EEIG2: variants seen among roughly 807,000 people sequenced by gnomAD.
EEIG2 encodes family with sequence similarity 102 member B.
chr1:108,617,301 A>T, the EEIG2 span, among the ~76,000 whole-genome samples: 1 of 152,150 alleles, frequency 6.6e-6, no homozygotes, highest in Admixed American at 6.5e-5. Flanking sequence ...CTAGATAGGG[A>T]ATAGACAATC....
chr1:108,590,338 T>A, the EEIG2 span, among the ~76,000 whole-genome samples: 1 of 152,230 alleles, frequency 6.6e-6, no homozygotes, highest in Admixed American at 6.5e-5. Context: ...AGAGTCTGTA[T>A]CTTTTAAGAA....
chr1:108,564,262 G>A, the EEIG2 span, among the ~76,000 whole-genome samples: 1 of 151,956 alleles, frequency 6.6e-6, no homozygotes, highest in African/African-American at 2.4e-5. Context: ...GGTTGGGTGG[G>A]GGGGAAATTA....
At chr1:108,576,448 C>A in the EEIG2 span, among the ~76,000 whole-genome samples, 2 of 117,976 alleles carry the variant, frequency 1.7e-5, no homozygotes, top group Non-Finnish European at 3.5e-5. Flanking sequence ...CCTCCCCCCT[C>A]CCCCCACCCC....
chr1:108,615,555 C>T, the EEIG2 span, among the ~76,000 whole-genome samples: 1 of 151,810 alleles, frequency 6.6e-6, no homozygotes, highest in Non-Finnish European at 1.5e-5. Flanking sequence ...GGTAGGATCA[C>T]TTGAGGCCAG....
At chr1:108,575,630 A>G in the EEIG2 span, among the ~76,000 whole-genome samples, 3 of 152,250 alleles carry the variant, frequency 2.0e-5, no homozygotes, top group Non-Finnish European at 4.4e-5. Context: ...TTACTCAGCA[A>G]TAAGATGAAA....
chr1:108,579,796 A>AGAGAGAGAGAGAGAGAGAGAGAGAGAGAG, the EEIG2 span, among the ~76,000 whole-genome samples: 5 of 149,020 alleles, frequency 3.4e-5, no homozygotes, highest in African/African-American at 4.9e-5. Context: ...AGAGAGAGAG[A>AGAGAGAGAGAGAGAGAGAGAGAGAGAGAG]AAGAAACCCA....
the EEIG2 span, among the ~76,000 whole-genome samples, chr1:108,622,820 A>G: frequency 2.9e-3 from 441 of 152,360 alleles, no homozygotes; most frequent in Non-Finnish European, 4.8e-3. Flanking sequence ...GTAAGAATTT[A>G]AGAATTGCCA....
the EEIG2 span, among the ~76,000 whole-genome samples, chr1:108,611,897 T>A: frequency 6.6e-6 from 1 of 151,224 alleles, no homozygotes; most frequent in East Asian, 1.9e-4. Context: ...AACAGTAATA[T>A]ATATTCTTTA....
the EEIG2 span, chr1:108,560,292 GCCTGCGGCGC>G: frequency 1.8e-6 from 1 of 552,330 alleles, no homozygotes. Flanking sequence ...GCCGCGGCCG[GCCTGCGGCGC>G]CCCCCGGCCG....
At chr1:108,585,361 T>C in the EEIG2 span, among the ~76,000 whole-genome samples, 6 of 152,178 alleles carry the variant, frequency 3.9e-5, no homozygotes, top group Non-Finnish European at 2.9e-5. Context: ...ATTAAGAAGC[T>C]ATTTTAACTG....
chr1:108,580,889 T>C, the EEIG2 span, among the ~76,000 whole-genome samples: 2 of 152,156 alleles, frequency 1.3e-5, no homozygotes, highest in African/African-American at 4.8e-5. Context: ...GCTAAGATCA[T>C]TGATGAAGGG....
At chr1:108,580,014 C>T in the EEIG2 span, among the ~76,000 whole-genome samples, 1 of 152,134 alleles carries the variant, frequency 6.6e-6, no homozygotes, top group Non-Finnish European at 1.5e-5. Context: ...ATCCTCTCAC[C>T]TAAGCCTCCC....
the EEIG2 span, chr1:108,635,250 C>T: frequency 1.4e-6 from 2 of 1,475,384 alleles, no homozygotes; most frequent in Non-Finnish European, 1.9e-6. Context: ...TGAACCTCAA[C>T]TATCAAGAGG....
chr1:108,628,465 A>C, the EEIG2 span: 2 of 1,614,026 alleles, frequency 1.2e-6, no homozygotes, highest in South Asian at 2.2e-5. Context: ...CCTCAGTGGG[A>C]AGCACATCAA....
chr1:108,609,830 A>G, the EEIG2 span, among the ~76,000 whole-genome samples: 2 of 152,030 alleles, frequency 1.3e-5, no homozygotes, highest in Admixed American at 1.3e-4. Flanking sequence ...GCATGTTCTC[A>G]CTTATAAGTG....
the EEIG2 span, among the ~76,000 whole-genome samples, chr1:108,597,366 C>A: frequency 6.6e-6 from 1 of 152,168 alleles, no homozygotes; most frequent in Non-Finnish European, 1.5e-5. Flanking sequence ...TCTTTCATTA[C>A]CCCAGCCAGC....
chr1:108,573,388 C>T, the EEIG2 span, among the ~76,000 whole-genome samples: 5 of 152,174 alleles, frequency 3.3e-5, no homozygotes, highest in Admixed American at 6.5e-5. Flanking sequence ...TTAGATTTCT[C>T]ACCTGGAGGT....
the EEIG2 span, among the ~76,000 whole-genome samples, chr1:108,575,751 G>A: frequency 1.3e-5 from 2 of 152,148 alleles, no homozygotes; most frequent in African/African-American, 4.8e-5. Flanking sequence ...TAAAACATCT[G>A]GAATAAGCAA....
At chr1:108,636,785 C>G in the EEIG2 span, 2 of 146,674 alleles carry the variant, frequency 1.4e-5, no homozygotes, top group African/African-American at 5.4e-5. Context: ...TAAAGACTTG[C>G]ATTATGTCTT....
Sources: gnomAD v4.1 joint callset for allele counts (sites outside exome capture counted in the v4.1 genomes callset) on GRCh38, gnomAD v4.1.1 for gene constraint, MANE v1.5 for transcripts, NCBI Gene and HGNC (gene_info 2026-07-23, HGNC 2026-07-21) for gene names.